Variants in RGS7 observed in about 807,000 individuals in gnomAD.
RGS7 encodes the protein regulator of G-protein signaling 7.
RGS7 carries 27 observed loss-of-function variants against 81.1 expected under a neutral mutation model. The observed-to-expected ratio is 0.33, with a 90% CI of 0.25 to 0.46. The LOEUF is 0.46. RGS7 is among the 20% of genes least tolerant of loss of function. RGS7 has a pLI of 1.00. For missense variants in RGS7, 396 were observed against 607.4 expected (o/e 0.65, Z 3.66); for synonymous variants, 208 against 207.7 (o/e 1.00, Z -0.01).
chr1:240,969,261 A>G (rs555669915), intron 4 of RGS7, among the ~76,000 whole-genome samples: 41 of 152,310 alleles, frequency 2.7e-4, no homozygotes, highest in African/African-American at 9.4e-4. Context: ...GTCGGCTTAT[A>G]AAAGGAACAC....
intron 2 of RGS7, among the ~76,000 whole-genome samples, chr1:241,169,178 T>C (rs1365963395): frequency 1.3e-5 from 2 of 149,318 alleles, no homozygotes; most frequent in African/African-American, 5.1e-5. Context: ...ACACATGTAA[T>C]ATATATGTTA....
intron 6 of RGS7, among the ~76,000 whole-genome samples, chr1:240,885,758 T>C (rs576345706): frequency 6.6e-6 from 1 of 151,540 alleles, no homozygotes; most frequent in African/African-American, 2.4e-5. Context: ...GAGTGGAGGG[T>C]GGGAGGAGGA....
intron 2 of RGS7, among the ~76,000 whole-genome samples, chr1:241,198,556 A>G (rs889360996): frequency 1.6e-4 from 25 of 152,288 alleles, no homozygotes; most frequent in African/African-American, 6.0e-4. Flanking sequence ...GCTGTATGCC[A>G]ATGCATTTGA....
chr1:240,952,274 A>G (rs886081588), intron 4 of RGS7, among the ~76,000 whole-genome samples: 1 of 152,116 alleles, frequency 6.6e-6, no homozygotes, highest in Non-Finnish European at 1.5e-5. Flanking sequence ...AAATATAACT[A>G]TTTGTTTAAA....
intron 6 of RGS7, 43 bp downstream of exon 6, chr1:240,930,674 C>T: frequency 3.2e-6 from 5 of 1,564,880 alleles, no homozygotes; most frequent in Non-Finnish European, 3.5e-6. Context: ...TCCATCTACA[C>T]ATACAGGCTG....
intron 2 of RGS7, among the ~76,000 whole-genome samples, chr1:241,313,964 ATTG>A (rs754169435): frequency 6.6e-6 from 1 of 152,218 alleles, no homozygotes; most frequent in Non-Finnish European, 1.5e-5. Context: ...ATGTGACTAA[ATTG>A]TTGTAATCTC....
intron 3 of RGS7, among the ~76,000 whole-genome samples, chr1:241,055,894 A>C (rs1367199807): frequency 2.0e-5 from 3 of 152,214 alleles, no homozygotes; most frequent in African/African-American, 7.2e-5. Flanking sequence ...GGAGATTCCA[A>C]GAGTTTTAGG....
At chr1:241,181,299 A>G (rs982207651) in intron 2 of RGS7, among the ~76,000 whole-genome samples, 3 of 152,228 alleles carry the variant, frequency 2.0e-5, no homozygotes, top group African/African-American at 7.2e-5. Flanking sequence ...GATTATGTAC[A>G]TATACGGATA....
At position 241,068,224 on chromosome 1, in the gene RGS7, T is replaced by TTGTGTGTGTGTGTG. The variant is rs71568983; in HGVS notation, c.175+30428_175+30441dup. 2.9e-3 allele frequency among the ~76,000 whole-genome samples: 161 copies of TTGTGTGTGTGTGTG among 55,782 alleles called. 11 individuals carry two copies. Among genetic ancestry groups the TTGTGTGTGTGTGTG allele is most frequent in the East Asian group, 5.5e-3 (5 of 902 alleles). The allele number at this position is 55,782 out of a possible 152,430, so 36.6% of individuals were successfully genotyped here. On this transcript the variant is annotated intron_variant, in intron 3 of 18. Transcript: ENST00000440928. The stretch of plus-strand genomic sequence containing the variant: ...TTTGCTTTTGGGTTCTATCCATAAA[T>TTGTGTGTGTGTGTG]TGTGTGTGTGTGTGTATATATATAT...
intron 3 of RGS7, among the ~76,000 whole-genome samples, chr1:241,023,734 A>ATATT (rs1452021034): frequency 6.6e-6 from 1 of 151,564 alleles, no homozygotes; most frequent in African/African-American, 2.4e-5. Context: ...AATGCTTTTC[A>ATATT]TATTGATTGA....
chr1:240,815,487 G>A (rs1338400172), intron 11 of RGS7, among the ~76,000 whole-genome samples: 2 of 152,044 alleles, frequency 1.3e-5, no homozygotes, highest in Non-Finnish European at 2.9e-5. Flanking sequence ...CTAATACCAA[G>A]AAAGTATCAA....
At chr1:241,017,023 T>C (rs2059285534) in intron 3 of RGS7, among the ~76,000 whole-genome samples, 1 of 152,106 alleles carries the variant, frequency 6.6e-6, no homozygotes, top group South Asian at 2.1e-4. Flanking sequence ...TTGCCATAGA[T>C]CAACAATAGA....
At chr1:240,889,201 C>A (rs192687727) in intron 6 of RGS7, among the ~76,000 whole-genome samples, 3 of 152,284 alleles carry the variant, frequency 2.0e-5, no homozygotes, top group African/African-American at 7.2e-5. Context: ...AGGTGATCTG[C>A]CCGCCTTGGC....
intron 10 of RGS7, among the ~76,000 whole-genome samples, chr1:240,823,732 C>T (rs879802906): frequency 7.2e-5 from 11 of 152,110 alleles, no homozygotes; most frequent in Admixed American, 2.0e-4. Context: ...GTGGCCTCCC[C>T]CATGAGATTT....
intron 18 of RGS7, among the ~76,000 whole-genome samples, chr1:240,783,803 T>TC (rs1684537998): frequency 6.6e-6 from 1 of 151,876 alleles, no homozygotes; most frequent in Admixed American, 6.6e-5. Flanking sequence ...TCTCCTGCAA[T>TC]CCCTTCTTCA....
intron 3 of RGS7, among the ~76,000 whole-genome samples, chr1:241,034,596 A>T (rs2060240003): frequency 6.6e-6 from 1 of 152,236 alleles, no homozygotes; most frequent in African/African-American, 2.4e-5. Context: ...AACAATAAAA[A>T]CTTTTAAAAA....
At chr1:240,870,508 T>G (rs573582982) in intron 6 of RGS7, among the ~76,000 whole-genome samples, 11 of 152,102 alleles carry the variant, frequency 7.2e-5, no homozygotes, top group Middle Eastern at 3.4e-3. Flanking sequence ...CCTAGCTAAT[T>G]TTATCGTTAT....
intron 4 of RGS7, among the ~76,000 whole-genome samples, chr1:240,974,112 T>A (rs1683706917): frequency 6.6e-6 from 1 of 152,210 alleles, no homozygotes; most frequent in African/African-American, 2.4e-5. Flanking sequence ...ATTCATTCGG[T>A]GATAATTAAG....
At chr1:241,036,243 C>A (rs1310759200) in intron 3 of RGS7, among the ~76,000 whole-genome samples, 1 of 152,084 alleles carries the variant, frequency 6.6e-6, no homozygotes, top group Non-Finnish European at 1.5e-5. Context: ...AAAAGAAAGA[C>A]AAGTTACACA....
Sources: gnomAD v4.1 joint callset for allele counts (sites outside exome capture counted in the v4.1 genomes callset) on GRCh38, gnomAD v4.1.1 for gene constraint, MANE v1.5 for transcripts, NCBI Gene and HGNC (gene_info 2026-07-23, HGNC 2026-07-21) for gene names.